The following PHLDB1 variants were observed in gnomAD, a reference collection of about 807,000 sequenced individuals.
PHLDB1 encodes pleckstrin homology-like domain family B member 1.
Under a neutral mutation model 139.3 loss-of-function variants are expected in PHLDB1, and 65 were observed. The observed-to-expected ratio is 0.47, with a 90% confidence interval of 0.38 to 0.57. The LOEUF (loss-of-function observed/expected upper bound fraction) is 0.57. PHLDB1 is among the 20% of genes least tolerant of loss of function. PHLDB1 has a pLI of 0.00. For synonymous variants in PHLDB1, 679 were observed against 734.5 expected, an observed-to-expected ratio of 0.92 and a Z score of 1.22; for missense variants, 1,624 against 1,839.7, an observed-to-expected ratio of 0.88 and a Z score of 2.14.
rs1591406394 is a variant in PHLDB1 at position 118,608,544 on chromosome 11, C to G, written c.-22+845C>G. On this transcript the variant is annotated intron_variant, in intron 1 of 22. Coordinates refer to ENST00000600882, the MANE Select transcript of PHLDB1 (RefSeq NM_001144758.3). The surrounding 1 kb of genome is among the most constrained non-coding windows in gnomAD (Gnocchi z 6.7). ...TGGCCGGGCGACCGCACAGCCCTGC[C>G]GGGGACCCACGGCTCTGGGGCGGGG... Among the ~76,000 whole-genome samples, 2 of 152,158 alleles carry G rather than the reference C, an allele frequency of 1.3e-5. No homozygotes were observed. Among genetic ancestry groups the G allele is most frequent in the South Asian group, 4.1e-4 (2 of 4,826 alleles).
intron 22 of PHLDB1, among the ~76,000 whole-genome samples, 177 bp downstream of exon 22, chr11:118,656,069 G>GC (rs1171963835): frequency 6.6e-6 from 1 of 151,790 alleles, no homozygotes; most frequent in African/African-American, 2.4e-5. Flanking sequence ...TCTCCTTGTT[G>GC]CCTCCCTCTC....
rs541848060 is a variant in PHLDB1, at chr11:118,649,370, C to T, written c.3655-707C>T. Among the ~76,000 whole-genome samples the T allele has an allele frequency of 7.2e-5, 11 of 152,302 alleles. No individual in the cohort carries two copies. In the East Asian group the frequency reaches 1.5e-3, roughly 21 times the overall value. On this transcript the variant is annotated intron_variant, in intron 18 of 22. Transcript: ENST00000600882. ...AATGCTTGGCTTCCCTTTCCTGCTT[C>T]AGTCAGTGACTGTTCTGGGAGTCTC... is the stretch of plus-strand genomic sequence containing the variant.
intron 5 of PHLDB1, 76 bp from the exon 6 acceptor site, chr11:118,627,229 G>C (rs1183805365): frequency 1.3e-5 from 18 of 1,426,714 alleles, no homozygotes; most frequent in Non-Finnish European, 1.8e-5. Flanking sequence ...ACTGTGCTAG[G>C]AGGAGGGGGG....
chr11:118,641,831 C>G (rs566609374), intron 12 of PHLDB1: 2 of 1,252,806 alleles, frequency 1.6e-6, no homozygotes, highest in Non-Finnish European at 2.1e-6. Flanking sequence ...GACTGGTGTG[C>G]TCTGTGTGTG....
chr11:118,640,068 T>G, intron 12 of PHLDB1: 5 of 856,890 alleles, frequency 5.8e-6, no homozygotes, highest in Non-Finnish European at 7.0e-6. Context: ...GCTGAGCCCC[T>G]GCCTACAGCT....
In PHLDB1 at chr11:118,644,149, G is replaced by A. The variant is rs782590839; in HGVS notation, c.3096G>A (p.Lys1032=). Residue 1032 remains lysine, a synonymous_variant, in exon 15 of 23, where the codon AAG becomes AAA. Coordinates refer to ENST00000600882, the MANE Select transcript of PHLDB1 (RefSeq NM_001144758.3). ...LAATLQDIET[K]RQLALQQKGQ... ...CCACACTGCAGGACATCGAGACCAA[G>A]CGCCAACTAGCTCTGCAGCAGAAGG... 6.2e-7 allele frequency: 1 copy of A among 1,612,776 alleles called. No individual in the cohort carries two copies. Among genetic ancestry groups the A allele is most frequent in the South Asian group, 1.1e-5 (1 of 90,994 alleles).
chr11:118,639,178 CTG>C lies in PHLDB1; in HGVS notation c.2666_2667del (p.Val889AlafsTer113), dbSNP rs782797890. 6.2e-7 allele frequency: 1 copy of C among 1,614,094 alleles called. No homozygotes were observed. The highest frequency in any genetic ancestry group is 8.5e-7 in the Non-Finnish European group (1 of 1,179,936). ...GGCTCGCAGGAGAAGGAGAAGCTGACTGTGCTGGAAAGGAGATACCACTCACT... is the reference window on the plus strand; with the variant it reads ...GGCTCGCAGGAGAAGGAGAAGCTGACTGCTGGAAAGGAGATACCACTCACT... On this transcript the variant is annotated frameshift_variant, in exon 12 of 23. Coordinates refer to ENST00000600882, the MANE Select transcript of PHLDB1 (RefSeq NM_001144758.3). LOFTEE classifies it high-confidence loss of function.
chr11:118,613,195 G>A, intron 1 of PHLDB1: 1 of 708,040 alleles, frequency 1.4e-6, no homozygotes, highest in African/African-American at 1.9e-5. Flanking sequence ...AGCTGATTGT[G>A]TTGGGTTGAG....
chr11:118,627,336 C>T lies in PHLDB1; in HGVS notation c.513C>T (p.His171=), dbSNP rs782092364. ...AESESLVNGN[H]TPQTATRGPS... is the part of the protein sequence containing the mutation. Reference sequence around the variant, plus strand: ...CAGAAAGTCTGGTAAATGGGAACCACACCCCACAGACTGCAACACGGGGAC... The same window carrying T: ...CAGAAAGTCTGGTAAATGGGAACCATACCCCACAGACTGCAACACGGGGAC... Residue 171 remains histidine (H), a synonymous_variant, in exon 6 of 23, where the codon CAC becomes CAT. Coordinates refer to ENST00000600882, the MANE Select transcript of PHLDB1 (RefSeq NM_001144758.3). The T allele has an allele frequency of 1.2e-6, 2 of 1,614,096 alleles. No homozygotes were observed. The highest frequency in any genetic ancestry group is 1.1e-5 in the South Asian group (1 of 91,050).
Position 118,610,840 on chromosome 11 carries a change from A to C in PHLDB1, c.-21-2976A>C, listed in dbSNP as rs2135638141. Among the ~76,000 whole-genome samples the C allele has an allele frequency of 6.6e-6, 1 of 152,190 alleles. No homozygotes were observed. Among genetic ancestry groups the C allele is most frequent in the Middle Eastern group, 3.4e-3 (1 of 292 alleles). The stretch of plus-strand genomic sequence containing the variant: ...GAGGCCGAGGGCCCGGGCCGGGGTC[A>C]CCTGCCGGCGCCCCGGCCTTGCGCA... On this transcript the variant is annotated intron_variant, in intron 1 of 22. Coordinates refer to ENST00000600882, the MANE Select transcript of PHLDB1 (RefSeq NM_001144758.3). This position sits in a 1 kb window ranked among gnomAD's most constrained non-coding sequence, Gnocchi z 8.7.
intron 12 of PHLDB1, chr11:118,641,452 C>T (rs1946502075): frequency 1.7e-5 from 5 of 299,294 alleles, no homozygotes; most frequent in Non-Finnish European, 2.5e-5. Flanking sequence ...ACGCCTTCTG[C>T]TCTAGGATGA....
intron 13 of PHLDB1, among the ~76,000 whole-genome samples, chr11:118,643,218 C>T (rs1183258718): frequency 6.6e-6 from 1 of 152,152 alleles, no homozygotes; most frequent in Non-Finnish European, 1.5e-5. Context: ...GAAGTTAACT[C>T]ATTTTATAGA....
intron 12 of PHLDB1, chr11:118,641,562 TC>T (rs1555120552): frequency 8.8e-7 from 1 of 1,141,368 alleles, no homozygotes; most frequent in East Asian, 6.1e-5. Flanking sequence ...TCTCATGTGT[TC>T]TGGTTCCATT....
Position 118,656,914 on chromosome 11 carries a change from G to A in PHLDB1, c.*91G>A, listed in dbSNP as rs1469865107. On this transcript the variant is annotated 3_prime_UTR_variant, in exon 23 of 23. Transcript: ENST00000600882. ...AGGAGCTTGGTCCTGTGAGTTTCTG[G>A]GCTCTGGCCTCCTGAAGAACCAGCC... 1.7e-6 allele frequency: 2 copies of A among 1,173,708 alleles called. No homozygotes were observed. The highest frequency in any genetic ancestry group is 2.4e-6 in the Non-Finnish European group (2 of 833,182). The allele number at this position is 1,173,708 out of a possible 1,614,324, so 72.7% of individuals were successfully genotyped here.
chr11:118,632,426 TC>T lies in PHLDB1; in HGVS notation c.2379+132del. 1 of 938,430 alleles carries T rather than the reference TC, an allele frequency of 1.1e-6. No individual in the cohort carries two copies. The highest frequency in any genetic ancestry group is 1.6e-6 in the Non-Finnish European group (1 of 615,406). 58.1% of individuals were successfully genotyped at this position (938,430 alleles called of 1,614,324 possible). ...GCAGTACAAGTGGTCTCTGTGGCTT[TC>T]CAGAGACAGAGTGACTTCTCCTCCT... On this transcript the variant is annotated intron_variant, in intron 9 of 22. Transcript: ENST00000600882. The surrounding 1 kb of genome is among the most constrained non-coding windows in gnomAD (Gnocchi z 5.9).
chr11:118,622,089 C>T (rs555702012), intron 4 of PHLDB1, among the ~76,000 whole-genome samples: 1 of 152,282 alleles, frequency 6.6e-6, no homozygotes, highest in South Asian at 2.1e-4. Context: ...AGGATTCACC[C>T]TCTCCTTCGC....
chr11:118,649,252 G>A (rs1447400136), intron 18 of PHLDB1, among the ~76,000 whole-genome samples: 2 of 151,808 alleles, frequency 1.3e-5, no homozygotes, highest in African/African-American at 2.4e-5. Context: ...CTGCACTCCA[G>A]TCTGGATGAT....
intron 20 of PHLDB1, chr11:118,652,538 A>C (rs1468980635): frequency 2.0e-5 from 3 of 152,362 alleles, no homozygotes; most frequent in Non-Finnish European, 2.9e-5. Flanking sequence ...TCATCTCATT[A>C]ATCTTTGAAA....
At chr11:118,655,319 A>G (rs1948887568) in intron 20 of PHLDB1, 1 of 271,292 alleles carries the variant, frequency 3.7e-6, no homozygotes, top group Non-Finnish European at 7.0e-6. Context: ...TTCACCATAG[A>G]CTTGCCAAAA....
Sources: allele counts gnomAD v4.1 joint callset (sites outside exome capture counted in the v4.1 genomes callset), GRCh38; gene constraint gnomAD v4.1.1; non-coding constraint Gnocchi (gnomAD v3.1); transcripts MANE v1.5; gene names NCBI Gene and HGNC (gene_info 2026-07-23, HGNC 2026-07-21).